Variants in TOMM34 observed in about 807,000 individuals in gnomAD.
TOMM34 encodes the protein mitochondrial import receptor subunit TOM34.
Under a neutral mutation model 37.4 loss-of-function variants are expected in TOMM34, and 24 were observed. The ratio of observed to expected loss-of-function variants is 0.64; its 90% confidence interval spans 0.46 to 0.90. TOMM34 has a LOEUF of 0.90. TOMM34 is among the 40% of genes least tolerant of loss of function. TOMM34 has a pLI of 0.00. For synonymous variants in TOMM34, 154 were observed against 148.9 expected, an observed-to-expected ratio of 1.03 and a Z score of -0.25; for missense variants, 304 against 375.6, an observed-to-expected ratio of 0.81 and a Z score of 1.58.
chr20:44,942,618 A>G lies in TOMM34; in HGVS notation c.*491T>C. 5.7e-6 allele frequency: 1 copy of G among 175,392 alleles called. No homozygotes were observed. The highest frequency in any genetic ancestry group is 1.7e-4 in the East Asian group (1 of 5,970). 10.9% of individuals were successfully genotyped at this position (175,392 alleles called of 1,614,324 possible). ...AGGGACAGCAGCTGTACACCTGGAG[A>G]GACTGCAGCCCTGGAGAACCAGCTC... On this transcript the variant is annotated 3_prime_UTR_variant, in exon 7 of 7. Transcript: ENST00000372813.
At chr20:44,945,965 C>G (rs994226049) in intron 5 of TOMM34, among the ~76,000 whole-genome samples, 1 of 152,098 alleles carries the variant, frequency 6.6e-6, no homozygotes, top group African/African-American at 2.4e-5. Flanking sequence ...TCAAGCGATT[C>G]TCCTACTTCA....
At chr20:44,956,132 T>C (rs1434848931) in intron 2 of TOMM34, among the ~76,000 whole-genome samples, 1 of 152,200 alleles carries the variant, frequency 6.6e-6, no homozygotes, top group Non-Finnish European at 1.5e-5. Context: ...ACAAAGACTT[T>C]ACGGCCTGCT....
intron 3 of TOMM34, 64 bp downstream of exon 3, chr20:44,955,004 C>T: frequency 6.3e-7 from 1 of 1,582,342 alleles, no homozygotes; most frequent in South Asian, 1.2e-5. Context: ...AAGGCAATGG[C>T]CCGCAGCCAA....
In TOMM34 at chr20:44,956,514, A is replaced by G. The variant is rs749548015; in HGVS notation, c.128-29T>C. Reference sequence around the variant, plus strand: ...CCCAGATAGAGTGGGGAAGATGATCAGTTTGGAAAATGGGTGCCTCAGGGC... The same window carrying G: ...CCCAGATAGAGTGGGGAAGATGATCGGTTTGGAAAATGGGTGCCTCAGGGC... On this transcript the variant is annotated intron_variant, in intron 1 of 6. Coordinates refer to ENST00000372813, the MANE Select transcript of TOMM34 (RefSeq NM_006809.5). The G allele has an allele frequency of 2.0e-5, 33 of 1,612,188 alleles. No individual in the cohort carries two copies. The African/African-American group carries it at 4.3e-4, about 21-fold the overall frequency.
Position 44,948,779 on chromosome 20 carries a change from T to C in TOMM34, c.649A>G (p.Ser217Gly). Residue 217 changes from serine to glycine, a missense_variant, in exon 5 of 7, where the codon AGT (serine) becomes GGT (glycine). Coordinates refer to ENST00000372813, the MANE Select transcript of TOMM34 (RefSeq NM_006809.5). ...GNHKKAIEKY[S>G]ESLLCSNLES... Reference sequence around the variant, plus strand: ...AGGTTACTACACAAGAGGCTTTCACTGTACTTCTCAATAGCTTTCTTATGG... The same window carrying C: ...AGGTTACTACACAAGAGGCTTTCACCGTACTTCTCAATAGCTTTCTTATGG... The C allele has an allele frequency of 6.2e-7, 1 of 1,614,200 alleles. No homozygotes were observed. Among genetic ancestry groups the C allele is most frequent in the Non-Finnish European group, 8.5e-7 (1 of 1,180,028 alleles).
At chr20:44,943,828 G>C (rs370309572) in intron 5 of TOMM34, among the ~76,000 whole-genome samples, 1 of 152,118 alleles carries the variant, frequency 6.6e-6, no homozygotes, top group African/African-American at 2.4e-5. Context: ...AAATAGGCGG[G>C]CGTTCGTTCA....
intron 5 of TOMM34, among the ~76,000 whole-genome samples, chr20:44,944,088 C>G (rs918186827): frequency 6.6e-6 from 1 of 152,146 alleles, no homozygotes; most frequent in Non-Finnish European, 1.5e-5. Context: ...TACAGACCAA[C>G]AGATGGCTAA....
chr20:44,949,063 C>T (rs990689123), intron 4 of TOMM34, among the ~76,000 whole-genome samples, 186 bp from the exon 5 acceptor site: 10 of 152,184 alleles, frequency 6.6e-5, no homozygotes, highest in African/African-American at 1.9e-4. Context: ...GGCAATTCAA[C>T]AGTTTTTCAT....
intron 4 of TOMM34, among the ~76,000 whole-genome samples, chr20:44,950,337 C>T (rs2067015455): frequency 6.6e-6 from 1 of 152,220 alleles, no homozygotes; most frequent in Non-Finnish European, 1.5e-5. Flanking sequence ...GAGTCTTTCC[C>T]CGACTCCCTC....
intron 1 of TOMM34, chr20:44,959,860 C>T (rs1302146805): frequency 3.2e-6 from 3 of 929,556 alleles, no homozygotes; most frequent in Non-Finnish European, 3.9e-6. Context: ...CACAAGAATG[C>T]GCTGTCCTTG....
chr20:44,958,927 C>CAAAAAAAA (rs5841576), intron 1 of TOMM34: 1 of 98,388 alleles, frequency 1.0e-5, no homozygotes, highest in African/African-American at 4.1e-5. Flanking sequence ...AAAGTGCAGA[C>CAAAAAAAA]AAAAAAAAAA....
intron 3 of TOMM34, among the ~76,000 whole-genome samples, chr20:44,952,955 A>G (rs1318627039): frequency 6.6e-6 from 1 of 151,914 alleles, no homozygotes; most frequent in East Asian, 1.9e-4. Flanking sequence ...AAACTTCCTC[A>G]TACCCCAAAT....
intron 1 of TOMM34, 168 bp downstream of exon 1, chr20:44,960,039 C>A (rs1198373914): frequency 1.0e-6 from 1 of 982,612 alleles, no homozygotes. Context: ...AGTTAACAAG[C>A]AGGTGGAAAG....
intron 4 of TOMM34, among the ~76,000 whole-genome samples, chr20:44,949,821 A>G (rs548312376): frequency 6.6e-6 from 1 of 152,320 alleles, no homozygotes; most frequent in African/African-American, 2.4e-5. Flanking sequence ...TTTAAACAGT[A>G]TAACTATATA....
chr20:44,960,104 T>C (rs1399580186), intron 1 of TOMM34, 103 bp downstream of exon 1: 7 of 514,836 alleles, frequency 1.4e-5, no homozygotes, highest in East Asian at 3.6e-5. Context: ...GCTGGAAGGG[T>C]GGGAGGGCCG....
chr20:44,943,901 G>A (rs1168358145), intron 5 of TOMM34, among the ~76,000 whole-genome samples: 1 of 152,018 alleles, frequency 6.6e-6, no homozygotes, highest in Admixed American at 6.6e-5. Flanking sequence ...CCTATACTGA[G>A]CTCTTTCAAG....
At chr20:44,959,978 C>T (rs2067110900) in intron 1 of TOMM34, 2 of 984,858 alleles carry the variant, frequency 2.0e-6, no homozygotes, top group Admixed American at 6.1e-5. Context: ...TAGCTTTCTT[C>T]TCAGGGCTCA....
At chr20:44,954,233 T>C (rs1363622840) in intron 3 of TOMM34, among the ~76,000 whole-genome samples, 1 of 152,234 alleles carries the variant, frequency 6.6e-6, no homozygotes, top group Non-Finnish European at 1.5e-5. Context: ...ATGGCGCTTA[T>C]CATGTTGTAT....
At chr20:44,948,601 G>C in intron 5 of TOMM34, 129 bp downstream of exon 5, 1 of 1,168,474 alleles carries the variant, frequency 8.6e-7, no homozygotes, top group African/African-American at 1.5e-5. Context: ...AGCTCACAAC[G>C]TGGATGCATG....
Sources: gnomAD v4.1 joint callset for allele counts (sites outside exome capture counted in the v4.1 genomes callset) on GRCh38, gnomAD v4.1.1 for gene constraint, MANE v1.5 for transcripts, NCBI Gene and HGNC (gene_info 2026-07-23, HGNC 2026-07-21) for gene names.